STARD13: variants seen among roughly 807,000 people sequenced by gnomAD.
STARD13 encodes the protein stAR-related lipid transfer protein 13.
In STARD13, 62 loss-of-function variants were observed where a neutral mutation model predicts 106.4. The observed-to-expected ratio is 0.58, with a 90% CI of 0.48 to 0.72. The LOEUF (loss-of-function observed/expected upper bound fraction) is 0.72, where lower values mean the gene tolerates loss of function less well. Among genes scored for constraint, STARD13 ranks in the 30% least tolerant of loss-of-function variants. The pLI is 0.00. For synonymous variants in STARD13, 565 were observed against 553.0 expected, an observed-to-expected ratio of 1.02 and a Z score of -0.31; for missense variants, 1,387 against 1,424.0, an observed-to-expected ratio of 0.97 and a Z score of 0.42.
At chr13:33,199,371 T>C (rs140037662) in intron 1 of STARD13, among the ~76,000 whole-genome samples, 6 of 152,360 alleles carry the variant, frequency 3.9e-5, no homozygotes, top group Non-Finnish European at 7.3e-5. Context: ...TAAATGTTTG[T>C]TGGCATTAAG....
At chr13:33,118,317 G>T (rs1033231016) in intron 7 of STARD13, 54 bp from the exon 8 acceptor site, 1 of 1,497,416 alleles carries the variant, frequency 6.7e-7, no homozygotes, top group Non-Finnish European at 9.3e-7. Context: ...TTGTGAGGAG[G>T]AGGAGGAAGC....
intron 1 of STARD13, among the ~76,000 whole-genome samples, chr13:33,187,769 G>A (rs1031353652): frequency 1.3e-5 from 2 of 151,994 alleles, no homozygotes; most frequent in Admixed American, 6.6e-5. Flanking sequence ...TGTAACCTCC[G>A]CCTCCCAGGT....
chr13:33,156,607 G>A (rs541512665), intron 3 of STARD13, among the ~76,000 whole-genome samples: 1 of 152,206 alleles, frequency 6.6e-6, no homozygotes, highest in Admixed American at 6.5e-5. Context: ...CTGTTAGTGG[G>A]CACATTCTTT....
chr13:33,604,520 G>A, the STARD13 span, among the ~76,000 whole-genome samples: 1 of 152,190 alleles, frequency 6.6e-6, no homozygotes. Flanking sequence ...AAAGAGGCCA[G>A]GTGCAGTGGC....
At chr13:33,334,731 A>G (rs540298641) in intron 1 of STARD13, among the ~76,000 whole-genome samples, 1 of 152,354 alleles carries the variant, frequency 6.6e-6, no homozygotes, top group South Asian at 2.1e-4. Context: ...ATTCCATGGC[A>G]TAAGCCATGA....
chr13:33,447,213 G>C, the STARD13 span, among the ~76,000 whole-genome samples: 4 of 152,170 alleles, frequency 2.6e-5, no homozygotes, highest in Non-Finnish European at 5.9e-5. Flanking sequence ...GCAAGAAACC[G>C]CAAGGACCTA....
At chr13:33,537,260 T>C in the STARD13 span, among the ~76,000 whole-genome samples, 1 of 152,230 alleles carries the variant, frequency 6.6e-6, no homozygotes, top group Non-Finnish European at 1.5e-5. Flanking sequence ...GTTTACTGAA[T>C]AAAACAAACT....
upstream of STARD13, among the ~76,000 whole-genome samples, chr13:33,354,455 G>A (rs1390547124): frequency 2.0e-5 from 3 of 152,160 alleles, no homozygotes; most frequent in Non-Finnish European, 2.9e-5. Context: ...GGATACTGCC[G>A]GAGGAGCACT....
the STARD13 span, among the ~76,000 whole-genome samples, chr13:33,578,618 A>G: frequency 6.6e-6 from 1 of 152,262 alleles, no homozygotes; most frequent in South Asian, 2.1e-4. Context: ...AAGACCCCAA[A>G]ATCAAATTCA....
the STARD13 span, among the ~76,000 whole-genome samples, chr13:33,633,268 C>T: frequency 6.6e-6 from 1 of 152,142 alleles, no homozygotes; most frequent in Non-Finnish European, 1.5e-5. Flanking sequence ...TTGATATCCT[C>T]TTTTTTATGG....
chr13:33,672,597 C>T, the STARD13 span, among the ~76,000 whole-genome samples: 1 of 152,166 alleles, frequency 6.6e-6, no homozygotes, highest in East Asian at 1.9e-4. Flanking sequence ...GTTGTTCAAA[C>T]TTTTCACAAT....
At chr13:33,295,906 A>T (rs1487713115) in intron 1 of STARD13, among the ~76,000 whole-genome samples, 1 of 151,868 alleles carries the variant, frequency 6.6e-6, no homozygotes, top group Non-Finnish European at 1.5e-5. Flanking sequence ...AATAAGACAG[A>T]TTAGTATTCA....
the STARD13 span, among the ~76,000 whole-genome samples, chr13:33,530,125 T>G: frequency 2.0e-5 from 3 of 152,134 alleles, no homozygotes; most frequent in Admixed American, 6.6e-5. Context: ...TCATGTTTTT[T>G]TTTTTTGGTG....
intron 7 of STARD13, among the ~76,000 whole-genome samples, chr13:33,123,069 A>AAAAAAAC: frequency 6.6e-6 from 1 of 150,378 alleles, no homozygotes; most frequent in Non-Finnish European, 1.5e-5. Flanking sequence ...AAAAAAAAAA[A>AAAAAAAC]AAAAAAAAAA....
At chr13:33,323,875 C>T (rs1387051265) in intron 1 of STARD13, among the ~76,000 whole-genome samples, 1 of 152,166 alleles carries the variant, frequency 6.6e-6, no homozygotes, top group Non-Finnish European at 1.5e-5. Context: ...TTCACAGTCT[C>T]TACTGAGGGA....
chr13:33,350,234 T>C, intron 1 of STARD13: 1 of 1,485,238 alleles, frequency 6.7e-7, no homozygotes, highest in Non-Finnish European at 8.9e-7. Flanking sequence ...CCGGGCGGGC[T>C]ACGGGGCCGG....
At position 33,145,670 on chromosome 13, in the gene STARD13, T is replaced by G. The variant is rs114023948; in HGVS notation, c.324-3297A>C. ...TAAAAATTGTGGTATATCCATACAA[T>G]GGAATACTCAACAATTCAAGGCACT... On this transcript the variant is annotated intron_variant, in intron 3 of 13. Coordinates refer to ENST00000336934, the MANE Select transcript of STARD13 (RefSeq NM_178006.4). Among the ~76,000 whole-genome samples the G allele has an allele frequency of 5.9e-3, 893 of 152,294 alleles. 13 individuals are homozygous for G. The highest frequency in any genetic ancestry group is 0.02 in the African/African-American group (843 of 41,546).
At chr13:33,343,581 A>AAAG in intron 1 of STARD13, among the ~76,000 whole-genome samples, 1 of 93,504 alleles carries the variant, frequency 1.1e-5, no homozygotes, top group Non-Finnish European at 2.1e-5. Context: ...CTGTCTTAAA[A>AAAG]AAAAAAAAAA....
chr13:33,463,984 C>G, the STARD13 span, among the ~76,000 whole-genome samples: 1 of 143,746 alleles, frequency 7.0e-6, no homozygotes, highest in Non-Finnish European at 1.5e-5. Flanking sequence ...GCACTCCAGC[C>G]TGGGTAACAA....
Sources: gnomAD v4.1 joint callset for allele counts (sites outside exome capture counted in the v4.1 genomes callset) on GRCh38, gnomAD v4.1.1 for gene constraint, MANE v1.5 for transcripts, NCBI Gene and HGNC (gene_info 2026-07-23, HGNC 2026-07-21) for gene names.